PPP2R1B: variants seen among roughly 807,000 people sequenced by gnomAD.
PPP2R1B encodes protein phosphatase 2 scaffold subunit Abeta.
Under a neutral mutation model 72.7 loss-of-function variants are expected in PPP2R1B, and 58 were observed. That is an observed-to-expected ratio of 0.80 (90% confidence interval 0.65 to 0.99). The LOEUF is 0.99. Ranked by LOEUF, PPP2R1B falls within the 50% of genes least tolerant of loss-of-function variation. The pLI, the probability that PPP2R1B is intolerant of heterozygous loss-of-function variation, is 0.00. For synonymous variants in PPP2R1B, 256 were observed against 264.6 expected (o/e 0.97, Z 0.32); for missense variants, 695 against 733.6 (o/e 0.95, Z 0.61).
the PPP2R1B span, among the ~76,000 whole-genome samples, chr11:111,702,341 C>T: frequency 6.6e-6 from 1 of 152,120 alleles, no homozygotes; most frequent in Non-Finnish European, 1.5e-5. Flanking sequence ...GTCCAGTGGT[C>T]TGGGAGGCTG....
In PPP2R1B at chr11:111,754,979, C is replaced by A. The variant is rs781854408; in HGVS notation, c.958+1G>T. On this transcript the variant is annotated splice_donor_variant, in intron 7 of 14. Coordinates refer to ENST00000527614, the MANE Select transcript of PPP2R1B (RefSeq NM_002716.5). LOFTEE classifies it high-confidence loss of function. ...TTCCAACATAAATTGAACTCCTTAA[C>A]CTTTTACTTTGTGGGCAGCAGCTGC... The A allele has an allele frequency of 6.2e-7, 1 of 1,601,816 alleles. No homozygotes were observed. The highest frequency in any genetic ancestry group is 8.5e-7 in the Non-Finnish European group (1 of 1,169,876).
chr11:111,693,105 G>C, the PPP2R1B span, among the ~76,000 whole-genome samples: 38 of 152,036 alleles, frequency 2.5e-4, no homozygotes, highest in Admixed American at 2.5e-3. Context: ...GGGCCAAGGT[G>C]GGCGGATCAC....
chr11:111,732,118 C>T (rs1227983040), intron 15 of PPP2R1B, among the ~76,000 whole-genome samples: 1 of 152,230 alleles, frequency 6.6e-6, no homozygotes, highest in Non-Finnish European at 1.5e-5. Context: ...GACAGCAGTG[C>T]CTGCACTTCC....
At chr11:111,762,647 C>T (rs1945369189) in intron 3 of PPP2R1B, among the ~76,000 whole-genome samples, 1 of 151,892 alleles carries the variant, frequency 6.6e-6, no homozygotes, top group Non-Finnish European at 1.5e-5. Context: ...CCTCAGACTC[C>T]TCGTCCTTCT....
Position 111,737,955 on chromosome 11 carries a change from A to C in PPP2R1B, c.*3641T>G. The C allele has an allele frequency of 2.0e-6, 2 of 1,023,612 alleles. No homozygotes were observed. 63.4% of individuals were successfully genotyped at this position (1,023,612 alleles called of 1,614,324 possible). A position where few individuals can be genotyped will look rare whatever the true frequency, so the allele number is the denominator to read the frequency against. The stretch of plus-strand genomic sequence containing the variant: ...GCTTTCCGACGCAATGAGTAATTAA[A>C]CTCTATTCGTCCTCCGGAAGATTTC... On this transcript the variant is annotated 3_prime_UTR_variant, in exon 15 of 15. Coordinates refer to ENST00000527614, the MANE Select transcript of PPP2R1B (RefSeq NM_002716.5).
At chr11:111,721,892 G>T in the PPP2R1B span, 2 of 1,612,322 alleles carry the variant, frequency 1.2e-6, no homozygotes, top group Non-Finnish European at 8.5e-7. Context: ...ATCCCCAGCT[G>T]TCCCCACGGC....
chr11:111,723,958 T>C (rs746271291), downstream of PPP2R1B: 8 of 1,614,026 alleles, frequency 5.0e-6, no homozygotes, highest in Non-Finnish European at 6.8e-6. Context: ...ATCCTGTGGA[T>C]GGAGCCCAGC....
chr11:111,748,174 A>C (rs782599948), intron 10 of PPP2R1B, among the ~76,000 whole-genome samples, 160 bp from the exon 11 acceptor site: 1 of 151,632 alleles, frequency 6.6e-6, no homozygotes, highest in Non-Finnish European at 1.5e-5. Context: ...CAAACCATAA[A>C]TCTATTTATT....
chr11:111,759,603 A>C (rs1945250267), intron 5 of PPP2R1B, among the ~76,000 whole-genome samples: 1 of 152,198 alleles, frequency 6.6e-6, no homozygotes. Flanking sequence ...ACAGCTGCTA[A>C]TGTAAGAGAG....
rs1555049148 is a variant in PPP2R1B, at chr11:111,755,022, A to C, written c.916T>G (p.Cys306Gly). The change falls in exon 7 of 15, where the codon TGT becomes GGT. Residue 306 changes from cysteine to glycine, a missense_variant. Coordinates refer to ENST00000527614, the MANE Select transcript of PPP2R1B (RefSeq NM_002716.5). ...IPAFQNLLKD[C>G]EAEVRAAAAH... The stretch of plus-strand genomic sequence containing the variant: ...GCAGCTGCCCGGACTTCAGCTTCAC[A>C]GTCTTTAAGTAGGTTCTGAAAGGCG... 6.2e-7 allele frequency: 1 copy of C among 1,613,994 alleles called. No homozygotes were observed. Among genetic ancestry groups the C allele is most frequent in the African/African-American group, 1.3e-5 (1 of 74,944 alleles).
At chr11:111,714,953 G>A in the PPP2R1B span, among the ~76,000 whole-genome samples, 1 of 152,160 alleles carries the variant, frequency 6.6e-6, no homozygotes, top group East Asian at 1.9e-4. Flanking sequence ...AAATGCAGTT[G>A]ACTAAAGGCT....
the PPP2R1B span, among the ~76,000 whole-genome samples, chr11:111,702,740 A>C: frequency 6.6e-6 from 1 of 152,210 alleles, no homozygotes; most frequent in Admixed American, 6.5e-5. Flanking sequence ...GTCAGAAGTA[A>C]GTAATATTTT....
chr11:111,688,781 A>G, the PPP2R1B span, among the ~76,000 whole-genome samples: 1 of 152,226 alleles, frequency 6.6e-6, no homozygotes, highest in Admixed American at 6.5e-5. This position sits in a 1 kb window ranked among gnomAD's most constrained non-coding sequence, Gnocchi z 4.2. Flanking sequence ...ATAAATATGT[A>G]TCAGGTACTG....
the PPP2R1B span, among the ~76,000 whole-genome samples, chr11:111,692,351 A>C: frequency 8.6e-5 from 1 of 11,584 alleles, no homozygotes; most frequent in Non-Finnish European, 2.1e-4. Context: ...ACTCAGTCTC[A>C]AAAAAAAAAA....
chr11:111,730,375 C>CA (rs980326459), intron 15 of PPP2R1B: 1 of 152,152 alleles, frequency 6.6e-6, no homozygotes, highest in Non-Finnish European at 1.5e-5. Context: ...CTGCCTTCAC[C>CA]AAAATCTCTG....
intron 5 of PPP2R1B, among the ~76,000 whole-genome samples, chr11:111,756,590 T>C (rs1385421212): frequency 6.6e-6 from 1 of 152,122 alleles, no homozygotes; most frequent in Non-Finnish European, 1.5e-5. Context: ...CAGCATAAGA[T>C]AATGACTTGG....
the PPP2R1B span, among the ~76,000 whole-genome samples, chr11:111,690,170 T>G: frequency 1.3e-5 from 2 of 152,024 alleles, no homozygotes; most frequent in African/African-American, 4.8e-5. Flanking sequence ...TATTTCACTC[T>G]TTTTTGCCAA....
At chr11:111,743,979 G>T (rs886357787) in intron 11 of PPP2R1B, among the ~76,000 whole-genome samples, 1 of 152,212 alleles carries the variant, frequency 6.6e-6, no homozygotes, top group Non-Finnish European at 1.5e-5. Flanking sequence ...GAAGGCTTCG[G>T]CACAGAAAGA....
At chr11:111,757,020 A>G (rs1945145911) in intron 5 of PPP2R1B, among the ~76,000 whole-genome samples, 1 of 152,028 alleles carries the variant, frequency 6.6e-6, no homozygotes, top group Non-Finnish European at 1.5e-5. Context: ...TGGCTGAGGC[A>G]GCAGAATTGC....
Sources: gnomAD v4.1 joint callset for allele counts (sites outside exome capture counted in the v4.1 genomes callset) on GRCh38, gnomAD v4.1.1 for gene constraint, Gnocchi (gnomAD v3.1) non-coding constraint, MANE v1.5 for transcripts, NCBI Gene and HGNC (gene_info 2026-07-23, HGNC 2026-07-21) for gene names.